LIMK1: variants seen among roughly 807,000 people sequenced by gnomAD.
LIMK1 encodes LIM domain kinase 1, also known as LIM motif-containing protein kinase.
Under a neutral mutation model 77.6 loss-of-function variants are expected in LIMK1, and 21 were observed. That is an observed-to-expected ratio of 0.27 (90% CI 0.19 to 0.39). LIMK1 has a LOEUF of 0.39. Among genes scored for constraint, LIMK1 ranks in the 10% least tolerant of loss-of-function variants. The pLI, the probability that LIMK1 is intolerant of heterozygous loss-of-function variation, is 1.00. For synonymous variants in LIMK1, 358 were observed against 370.0 expected (o/e 0.97, Z 0.37); for missense variants, 696 against 901.6 (o/e 0.77, Z 2.92).
intron 5 of LIMK1, among the ~76,000 whole-genome samples, chr7:74,100,685 G>A (rs1052531379): frequency 1.3e-5 from 2 of 151,790 alleles, no homozygotes; most frequent in Admixed American, 6.6e-5. Flanking sequence ...CCAAAGTGCC[G>A]GGATTACAGG....
chr7:74,092,924 G>A (rs1285148814), intron 2 of LIMK1, among the ~76,000 whole-genome samples: 5 of 152,158 alleles, frequency 3.3e-5, no homozygotes, highest in Non-Finnish European at 7.4e-5. Flanking sequence ...TGCCAGGGCC[G>A]AGGCTGAGGA....
chr7:74,102,502 T>TTTTTTTTTTTTTTTTTTTTTTTA (rs1554696743), intron 5 of LIMK1, among the ~76,000 whole-genome samples: 1 of 141,690 alleles, frequency 7.1e-6, no homozygotes, highest in Non-Finnish European at 1.5e-5. Flanking sequence ...TTTTTTTTTT[T>TTTTTTTTTTTTTTTTTTTTTTTA]GGAGACAGGG....
At chr7:74,094,242 A>C (rs1799294315) in intron 2 of LIMK1, 1 of 152,224 alleles carries the variant, frequency 6.6e-6, no homozygotes, top group Non-Finnish European at 1.5e-5. Context: ...GGAAGTGGTG[A>C]CCGGAGGGAA....
chr7:74,105,647 C>T (rs1554697263), intron 5 of LIMK1, among the ~76,000 whole-genome samples: 1 of 152,176 alleles, frequency 6.6e-6, no homozygotes, highest in East Asian at 1.9e-4. Context: ...CCAGTGCCTA[C>T]AAGCGTGCCA....
intron 2 of LIMK1, among the ~76,000 whole-genome samples, chr7:74,095,068 C>G (rs781975729): frequency 5.3e-5 from 8 of 152,198 alleles, no homozygotes; most frequent in Non-Finnish European, 1.2e-4. Flanking sequence ...CCCCAGTTCC[C>G]TAGTTACAGT....
intron 2 of LIMK1, among the ~76,000 whole-genome samples, chr7:74,095,744 A>G (rs1485151065): frequency 1.3e-5 from 2 of 151,968 alleles, no homozygotes; most frequent in African/African-American, 4.8e-5. Context: ...CTGGCTGGGC[A>G]GGGCTGCTGG....
rs1383837890 is a variant in LIMK1, at chr7:74,114,944, C to T, written c.1411-858C>T. ...AAAAAAAAAAAAAGATAAAATTGGG[C>T]CAGGTATGGTGGCTTACTCCTGTAA... On this transcript the variant is annotated intron_variant, in intron 12 of 15. Transcript: ENST00000336180. Among the ~76,000 whole-genome samples the T allele has an allele frequency of 5.9e-5, 9 of 151,498 alleles. 1 individual carries two copies. Among genetic ancestry groups the T allele is most frequent in the African/African-American group, 1.9e-4 (8 of 41,346 alleles).
chr7:74,103,741 G>C (rs1799513379), intron 5 of LIMK1, among the ~76,000 whole-genome samples: 1 of 152,050 alleles, frequency 6.6e-6, no homozygotes. Context: ...TCTTCCTTCT[G>C]CATTTGTTAC....
chr7:74,084,084 G>A (rs1799083082), intron 1 of LIMK1, 39 bp downstream of exon 1: 1 of 1,269,754 alleles, frequency 7.9e-7, no homozygotes, highest in East Asian at 3.1e-5. Flanking sequence ...GGCCTGGAGG[G>A]GGTGCCCGGG....
chr7:74,111,292 G>C (rs782142054), intron 10 of LIMK1: 6 of 243,654 alleles, frequency 2.5e-5, no homozygotes, highest in Non-Finnish European at 4.1e-5. Flanking sequence ...CAAAAAATTA[G>C]CTGGGTGTGG....
At position 74,120,593 on chromosome 7, in the gene LIMK1, T is replaced by C; in HGVS notation, c.1578T>C (p.Tyr526=). The change falls in exon 14 of 16, where the codon TAT becomes TAC. Residue 526 remains tyrosine (Y), a synonymous_variant. Coordinates refer to ENST00000336180, the MANE Select transcript of LIMK1 (RefSeq NM_002314.4). ...MAPEMINGRS[Y]DEKVDVFSFG... is the part of the protein sequence containing the mutation. ...GGTCTCTTTATCCAGGCCGCAGCTA[T>C]GATGAGAAGGTGGATGTGTTCTCCT... is the stretch of plus-strand genomic sequence containing the variant. The C allele has an allele frequency of 1.2e-6, 2 of 1,614,254 alleles. No homozygotes were observed. Among genetic ancestry groups the C allele is most frequent in the Non-Finnish European group, 8.5e-7 (1 of 1,180,040 alleles).
intron 8 of LIMK1, 77 bp from the exon 9 acceptor site, chr7:74,107,794 G>C: frequency 3.6e-6 from 4 of 1,119,300 alleles, no homozygotes; most frequent in Non-Finnish European, 5.3e-6. Flanking sequence ...TGGCAGTCCT[G>C]GGGTGGAGAT....
chr7:74,103,057 G>GTATTTATTA (rs1563917860), intron 5 of LIMK1, among the ~76,000 whole-genome samples: 1 of 151,592 alleles, frequency 6.6e-6, no homozygotes. Flanking sequence ...TATTAGAGAC[G>GTATTTATTA]GGGTTTTACC....
chr7:74,084,506 C>T (rs1259855855), intron 1 of LIMK1, among the ~76,000 whole-genome samples: 2 of 152,164 alleles, frequency 1.3e-5, no homozygotes, highest in Non-Finnish European at 2.9e-5. Flanking sequence ...TCAGTTTCCC[C>T]TTCTGTACAT....
chr7:74,120,649 G>C lies in LIMK1; in HGVS notation c.1623+11G>C. On this transcript the variant is annotated intron_variant, in intron 14 of 15. Coordinates refer to ENST00000336180, the MANE Select transcript of LIMK1 (RefSeq NM_002314.4). ...ATCGTCCTGTGCGAGGTAGGTCCAG[G>C]GTTGGGTAGCAGCGGTGTTGAGGCC... The C allele has an allele frequency of 6.2e-7, 1 of 1,614,180 alleles. No individual in the cohort carries two copies. Among genetic ancestry groups the C allele is most frequent in the South Asian group, 1.1e-5 (1 of 91,090 alleles).
chr7:74,115,646 T>C (rs2285025), intron 12 of LIMK1, 156 bp from the exon 13 acceptor site: 97,093 of 703,390 alleles, frequency 0.14, 7,334 homozygotes, highest in South Asian at 0.23. Flanking sequence ...GCGGATGGGT[T>C]TGGGGAAGGA....
At chr7:74,105,548 T>C (rs1433126770) in intron 5 of LIMK1, among the ~76,000 whole-genome samples, 1 of 149,850 alleles carries the variant, frequency 6.7e-6, no homozygotes, top group Non-Finnish European at 1.5e-5. Context: ...AGACCAAACA[T>C]ACCTGGGATT....
chr7:74,096,143 T>C (rs1799333135), intron 2 of LIMK1, among the ~76,000 whole-genome samples: 1 of 151,644 alleles, frequency 6.6e-6, no homozygotes, highest in Non-Finnish European at 1.5e-5. Context: ...TTTTGTATTT[T>C]TAGTGGAGAC....
chr7:74,098,997 A>G, intron 4 of LIMK1, 35 bp from the exon 5 acceptor site: 1 of 1,556,908 alleles, frequency 6.4e-7, no homozygotes, highest in East Asian at 2.3e-5. Context: ...GACGCCCTTG[A>G]CACTCTTTTC....
Sources: allele counts gnomAD v4.1 joint callset (sites outside exome capture counted in the v4.1 genomes callset), GRCh38; gene constraint gnomAD v4.1.1; transcripts MANE v1.5; gene names NCBI Gene and HGNC (gene_info 2026-07-23, HGNC 2026-07-21).